SLC6A3: variants seen among roughly 807,000 people sequenced by gnomAD.
The protein encoded by SLC6A3 is solute carrier family 6 member 3.
In SLC6A3, 19 loss-of-function variants were observed where a neutral mutation model predicts 70.4. The ratio of observed to expected loss-of-function variants is 0.27; its 90% CI spans 0.19 to 0.40. The LOEUF is 0.40. Ranked by LOEUF, SLC6A3 falls within the 10% of genes least tolerant of loss-of-function variation. The pLI is 1.00. For missense variants in SLC6A3, 613 were observed against 838.5 expected (o/e 0.73, Z 3.32); for synonymous variants, 368 against 356.6 (o/e 1.03, Z -0.36).
At chr5:1,395,512 G>A (rs1261069476) in intron 14 of SLC6A3, among the ~76,000 whole-genome samples, 1 of 152,196 alleles carries the variant, frequency 6.6e-6, no homozygotes, top group East Asian at 1.9e-4. Flanking sequence ...AGGCTCCTCT[G>A]GCCACTCCAC....
rs931484426 is a variant in SLC6A3, at chr5:1,401,446, G to A, written c.1768-460C>T. The A allele has an allele frequency of 5.3e-6, 2 of 375,956 alleles. No homozygotes were observed. The highest frequency in any genetic ancestry group is 2.1e-5 in the African/African-American group (1 of 47,366). The allele number at this position is 375,956 out of a possible 1,614,324, so 23.3% of individuals were successfully genotyped here. ...GCTCTTGGGAGAGTGAACGCTGAAC[G>A]TGCCTTCCTTCCACTGCCCGCTGCG... On this transcript the variant is annotated intron_variant, in intron 13 of 14. Transcript: ENST00000270349. The surrounding 1 kb of genome is among the most constrained non-coding windows in gnomAD (Gnocchi z 6.1).
chr5:1,439,863 T>C (rs576490003), intron 3 of SLC6A3, among the ~76,000 whole-genome samples: 1 of 152,358 alleles, frequency 6.6e-6, no homozygotes, highest in Admixed American at 6.5e-5. Flanking sequence ...CAGAAACGTC[T>C]GGGATCAAAT....
In SLC6A3 at chr5:1,442,839, C is replaced by T. The variant is rs539061387; in HGVS notation, c.286+73G>A. 1.6e-5 allele frequency: 24 copies of T among 1,483,700 alleles called. No homozygotes were observed. Among genetic ancestry groups the T allele is most frequent in the African/African-American group, 1.4e-4 (10 of 72,028 alleles). The allele number at this position is 1,483,700 out of a possible 1,614,324, so 91.9% of individuals were successfully genotyped here. On this transcript the variant is annotated intron_variant, in intron 2 of 14. Coordinates refer to ENST00000270349, the MANE Select transcript of SLC6A3 (RefSeq NM_001044.5). This position sits in a 1 kb window ranked among gnomAD's most constrained non-coding sequence, Gnocchi z 5.0. ...GGAACAGCTTCATCTCGTTTCCGTA[C>T]GTGCCTTGGCCCCGGCTGCCCCTAC...
rs1755991007 is a variant in SLC6A3, at chr5:1,406,751, A to G, written c.1499-463T>C. ...ACCGTCACCACCGTCCATCTTCAGA[A>G]CTCCATCCTCCAAAATGAAATTCTG... On this transcript the variant is annotated intron_variant, in intron 11 of 14. Transcript: ENST00000270349. This position sits in a 1 kb window ranked among gnomAD's most constrained non-coding sequence, Gnocchi z 8.8. Among the ~76,000 whole-genome samples, 1 of 149,214 alleles carries G rather than the reference A, an allele frequency of 6.7e-6. No homozygotes were observed. Among genetic ancestry groups the G allele is most frequent in the Non-Finnish European group, 1.5e-5 (1 of 65,924 alleles).
intron 3 of SLC6A3, among the ~76,000 whole-genome samples, chr5:1,435,555 C>A (rs1756809707): frequency 6.6e-6 from 1 of 152,232 alleles, no homozygotes; most frequent in Admixed American, 6.5e-5. Context: ...GGCCACTGTG[C>A]ATGACATCAC....
intron 3 of SLC6A3, among the ~76,000 whole-genome samples, chr5:1,435,587 C>T (rs567248292): frequency 2.8e-4 from 43 of 152,356 alleles, no homozygotes; most frequent in African/African-American, 1.0e-3. Context: ...CTGGCTGATG[C>T]GGCTCCCAGA....
chr5:1,417,646 C>T (rs1431843450), intron 6 of SLC6A3, among the ~76,000 whole-genome samples: 2 of 152,244 alleles, frequency 1.3e-5, no homozygotes, highest in Non-Finnish European at 2.9e-5. Flanking sequence ...AAGGTGAGGG[C>T]ACTGCGGAGA....
At position 1,393,854 on chromosome 5, in the gene SLC6A3, G is replaced by T. The variant is rs1203688436; in HGVS notation, c.*881C>A. ...GGGGCCCTGCATGCGTTCTGGGGTA[G>T]TACACGCTCCTGTGGGGGCCCTGCA... On this transcript the variant is annotated 3_prime_UTR_variant, in exon 15 of 15. Transcript: ENST00000270349. The T allele has an allele frequency of 6.7e-6, 1 of 148,494 alleles. No individual in the cohort carries two copies. Among genetic ancestry groups the T allele is most frequent in the Non-Finnish European group, 1.5e-5 (1 of 67,838 alleles). 9.2% of individuals were successfully genotyped at this position (148,494 alleles called of 1,614,324 possible).
intron 8 of SLC6A3, 35 bp downstream of exon 8, chr5:1,414,656 A>G (rs769578009): frequency 6.2e-7 from 1 of 1,609,914 alleles, no homozygotes; most frequent in African/African-American, 1.3e-5. Context: ...CTGGTGCTAC[A>G]CGGAGCAGGC....
At chr5:1,414,571 C>T (rs562737012) in intron 8 of SLC6A3, 120 bp downstream of exon 8, 5 of 1,141,818 alleles carry the variant, frequency 4.4e-6, no homozygotes, top group Non-Finnish European at 6.2e-6. Flanking sequence ...GGCAGCAACT[C>T]TCACTGAAGT....
In SLC6A3 at chr5:1,421,924, G is replaced by T; in HGVS notation, c.744C>A (p.Ile248=). 1 of 1,613,250 alleles carries T rather than the reference G, an allele frequency of 6.2e-7. No homozygotes were observed. The highest frequency in any genetic ancestry group is 8.5e-7 in the Non-Finnish European group (1 of 1,180,020). ...WQLTACLVLV[I]VLLYFSLWKG... is the part of the protein sequence containing the mutation. ...TCCAGAGGCTGAAGTAGAGCAGCAC[G>T]ATGACCAGCACCAGGCAGGCTGTGA... is the stretch of plus-strand genomic sequence containing the variant. The change falls in exon 5 of 15, where the codon ATC becomes ATA. Residue 248 remains isoleucine, a synonymous_variant. Transcript: ENST00000270349. This position sits in a 1 kb window ranked among gnomAD's most constrained non-coding sequence, Gnocchi z 7.2.
At chr5:1,435,107 T>G (rs139012144) in intron 3 of SLC6A3, among the ~76,000 whole-genome samples, 7 of 152,212 alleles carry the variant, frequency 4.6e-5, no homozygotes, top group Non-Finnish European at 8.8e-5. Flanking sequence ...TGTATTGCAG[T>G]CTGTCACGGA....
At position 1,414,796 on chromosome 5, in the gene SLC6A3, A is replaced by C; in HGVS notation, c.1051T>G (p.Ser351Ala). 6.2e-7 allele frequency: 1 copy of C among 1,612,884 alleles called. No homozygotes were observed. Among genetic ancestry groups the C allele is most frequent in the Non-Finnish European group, 8.5e-7 (1 of 1,179,842 alleles). The change falls in exon 8 of 15, where the codon TCC becomes GCC. Residue 351 changes from serine (S) to alanine (A), a missense_variant. Transcript: ENST00000270349. ...NCYRDAIVTT[S>A]INSLTSFSSG... ...GAGAAGCTCGTCAGGGAGTTGATGG[A>C]GGTGGTGACAATCGCGTCCCTGTAA...
chr5:1,423,734 A>C (rs1243376363), intron 4 of SLC6A3, among the ~76,000 whole-genome samples: 1 of 152,184 alleles, frequency 6.6e-6, no homozygotes, highest in African/African-American at 2.4e-5. Context: ...GAGAACATGC[A>C]CCAGGCTACA....
At chr5:1,444,464 G>GCA (rs1273838024) in intron 1 of SLC6A3, among the ~76,000 whole-genome samples, 3 of 151,814 alleles carry the variant, frequency 2.0e-5, no homozygotes, top group African/African-American at 4.9e-5. Flanking sequence ...ACACAGGTGC[G>GCA]CACACACACA....
rs1314961442 is a variant in SLC6A3 at position 1,406,372 on chromosome 5, C to T, written c.1499-84G>A. 4 of 1,164,986 alleles carry T rather than the reference C, an allele frequency of 3.4e-6. No individual in the cohort carries two copies. Among genetic ancestry groups the T allele is most frequent in the African/African-American group, 1.5e-5 (1 of 66,110 alleles). The allele number at this position is 1,164,986 out of a possible 1,614,324, so 72.2% of individuals were successfully genotyped here. A position where few individuals can be genotyped will look rare whatever the true frequency, so the allele number is the denominator to read the frequency against. ...ACACGTGTGGGGGTCCTCGCTGACT[C>T]CCAAGGGCCCCACCTACCGGCCCCA... is the stretch of plus-strand genomic sequence containing the variant. On this transcript the variant is annotated intron_variant, in intron 11 of 14. Transcript: ENST00000270349. This position sits in a 1 kb window ranked among gnomAD's most constrained non-coding sequence, Gnocchi z 8.8.
At chr5:1,409,890 C>T (rs1445708000) in intron 9 of SLC6A3, 41 bp from the exon 10 acceptor site, 2 of 1,610,982 alleles carry the variant, frequency 1.2e-6, no homozygotes, top group African/African-American at 1.3e-5. Context: ...GCTGGCGGCG[C>T]TCCTGACCGC....
Position 1,438,257 on chromosome 5 carries a change from C to T in SLC6A3, c.418+3102G>A, listed in dbSNP as rs1756886539. Among the ~76,000 whole-genome samples the T allele has an allele frequency of 6.6e-6, 1 of 152,252 alleles. No individual in the cohort carries two copies. The highest frequency in any genetic ancestry group is 1.5e-5 in the Non-Finnish European group (1 of 68,040). On this transcript the variant is annotated intron_variant, in intron 3 of 14. Transcript: ENST00000270349. The surrounding 1 kb of genome is among the most constrained non-coding windows in gnomAD (Gnocchi z 6.5). The stretch of plus-strand genomic sequence containing the variant: ...CTCTTCCAAAGATCCGCCCGCAGGG[C>T]CACGAGCCTTCCTTCCTGCGGCCAC...
chr5:1,401,242 C>T lies in SLC6A3; in HGVS notation c.1768-256G>A. 2 of 682,778 alleles carry T rather than the reference C, an allele frequency of 2.9e-6. No individual in the cohort carries two copies. The highest frequency in any genetic ancestry group is 2.7e-6 in the Non-Finnish European group (1 of 372,306). 42.3% of individuals were successfully genotyped at this position (682,778 alleles called of 1,614,324 possible). A position where few individuals can be genotyped will look rare whatever the true frequency, so the allele number is the denominator to read the frequency against. ...GGTCCCCTTAAAGTCTAGCGCAGAG[C>T]AGAACATCAGCATTTGAGCACTCGC... On this transcript the variant is annotated intron_variant, in intron 13 of 14. Coordinates refer to ENST00000270349, the MANE Select transcript of SLC6A3 (RefSeq NM_001044.5). The surrounding 1 kb of genome is among the most constrained non-coding windows in gnomAD (Gnocchi z 6.1).
Sources: gnomAD v4.1 joint callset for allele counts (sites outside exome capture counted in the v4.1 genomes callset) on GRCh38, gnomAD v4.1.1 for gene constraint, Gnocchi (gnomAD v3.1) non-coding constraint, MANE v1.5 for transcripts, NCBI Gene and HGNC (gene_info 2026-07-23, HGNC 2026-07-21) for gene names.